RGS7BP: variants seen among roughly 807,000 people sequenced by gnomAD.
RGS7BP encodes regulator of G protein signaling 7-binding protein.
RGS7BP carries 9 observed loss-of-function variants against 31.3 expected under a neutral mutation model. The ratio of observed to expected loss-of-function variants is 0.29; its 90% CI spans 0.17 to 0.50. The LOEUF is 0.50. Ranked by LOEUF, RGS7BP falls within the 20% of genes least tolerant of loss-of-function variation. RGS7BP has a pLI of 0.98. For synonymous variants in RGS7BP, 115 were observed against 120.1 expected (o/e 0.96, Z 0.28); for missense variants, 274 against 322.0 (o/e 0.85, Z 1.14).
intron 2 of RGS7BP, among the ~76,000 whole-genome samples, chr5:64,563,304 T>C (rs1742096018): frequency 1.3e-5 from 2 of 152,120 alleles, no homozygotes; most frequent in Admixed American, 1.3e-4. Context: ...AATAGCAATG[T>C]TATGAATTGA....
At chr5:64,523,206 A>C (rs1416683775) in intron 2 of RGS7BP, among the ~76,000 whole-genome samples, 1 of 152,204 alleles carries the variant, frequency 6.6e-6, no homozygotes, top group Non-Finnish European at 1.5e-5. Flanking sequence ...AGGTGAAGCA[A>C]AAAAGTAAAG....
At chr5:64,531,926 T>G (rs1466809764) in intron 2 of RGS7BP, among the ~76,000 whole-genome samples, 1 of 152,210 alleles carries the variant, frequency 6.6e-6, no homozygotes, top group Non-Finnish European at 1.5e-5. Flanking sequence ...TCTTGGAAAT[T>G]CCCCTCCTGC....
intron 1 of RGS7BP, among the ~76,000 whole-genome samples, 172 bp from the exon 2 acceptor site, chr5:64,507,539 A>G (rs1748727986): frequency 6.6e-6 from 1 of 152,182 alleles, no homozygotes; most frequent in Non-Finnish European, 1.5e-5. Context: ...CCTTGGACAA[A>G]GAGACTTGCC....
At chr5:64,586,288 C>T (rs1742748916) in intron 3 of RGS7BP, among the ~76,000 whole-genome samples, 1 of 152,076 alleles carries the variant, frequency 6.6e-6, no homozygotes, top group African/African-American at 2.4e-5. Context: ...CCTCTCCAGT[C>T]TCATATCTCA....
rs1288108995 is a variant in RGS7BP at position 64,611,596 on chromosome 5, C to T, written c.*2344C>T. On this transcript the variant is annotated 3_prime_UTR_variant, in exon 6 of 6. Transcript: ENST00000334025. ...TGTCTAATTACCTAGCCAGAGTTTG[C>T]ATATTTAAGGTAATATATTCAGCTA... The T allele has an allele frequency of 3.3e-5, 5 of 152,254 alleles. No homozygotes were observed. The highest frequency in any genetic ancestry group is 4.4e-5 in the Non-Finnish European group (3 of 67,886). The allele number at this position is 152,254 out of a possible 1,614,324, so 9.4% of individuals were successfully genotyped here.
At chr5:64,517,453 A>G (rs1749006144) in intron 2 of RGS7BP, among the ~76,000 whole-genome samples, 1 of 152,152 alleles carries the variant, frequency 6.6e-6, no homozygotes, top group Non-Finnish European at 1.5e-5. Context: ...TTACCACTTA[A>G]CTTTTAAACA....
Position 64,594,665 on chromosome 5 carries a change from G to T in RGS7BP, c.464-45G>T, listed in dbSNP as rs765396938. 22 of 1,605,706 alleles carry T rather than the reference G, an allele frequency of 1.4e-5. 1 individual carries two copies. In the South Asian group the frequency reaches 2.2e-4, roughly 16 times the overall value. ...TCCTGCATATAGAACCTGCCTTTAT[G>T]ATTTCTTTTTCCTCTTCTCTTTACC... On this transcript the variant is annotated intron_variant, in intron 3 of 5. Coordinates refer to ENST00000334025, the MANE Select transcript of RGS7BP (RefSeq NM_001029875.3).
At chr5:64,586,913 C>A (rs547267951) in intron 3 of RGS7BP, among the ~76,000 whole-genome samples, 1 of 152,044 alleles carries the variant, frequency 6.6e-6, no homozygotes, top group Non-Finnish European at 1.5e-5. Flanking sequence ...GGAATAAATC[C>A]ATACTAGTTC....
At chr5:64,589,881 C>T (rs750401035) in intron 3 of RGS7BP, among the ~76,000 whole-genome samples, 3 of 148,828 alleles carry the variant, frequency 2.0e-5, no homozygotes, top group Non-Finnish European at 4.4e-5. Flanking sequence ...GAGCTATTAT[C>T]ATCACTGCAC....
At chr5:64,507,225 C>T (rs1421221550) in intron 1 of RGS7BP, among the ~76,000 whole-genome samples, 2 of 152,226 alleles carry the variant, frequency 1.3e-5, no homozygotes, top group East Asian at 3.9e-4. Flanking sequence ...CTGGTCTTCC[C>T]GTCAGGCCGT....
intron 2 of RGS7BP, among the ~76,000 whole-genome samples, chr5:64,548,758 C>T (rs1234042784): frequency 3.9e-5 from 6 of 152,132 alleles, no homozygotes; most frequent in African/African-American, 1.4e-4. Context: ...CTGCCCACCT[C>T]GGCCTCCCAA....
chr5:64,604,968 G>GAGTCC (rs1357920996), intron 5 of RGS7BP, among the ~76,000 whole-genome samples: 1 of 151,966 alleles, frequency 6.6e-6, no homozygotes, highest in Non-Finnish European at 1.5e-5. Context: ...CCAAGAGTTC[G>GAGTCC]AGTCCAGTCT....
At position 64,590,794 on chromosome 5, in the gene RGS7BP, A is replaced by G. The variant is rs1194627777; in HGVS notation, c.464-3916A>G. On this transcript the variant is annotated intron_variant, in intron 3 of 5. Transcript: ENST00000334025. ...GCCACAAGGATAAACAAATAAATAT[A>G]AAATAAAACAGTATATCCAGAAATA... 2.0e-5 allele frequency among the ~76,000 whole-genome samples: 3 copies of G among 152,102 alleles called. No individual in the cohort carries two copies. The East Asian group carries it at 5.8e-4, about 29-fold the overall frequency.
chr5:64,516,921 G>A (rs1396608), intron 2 of RGS7BP, among the ~76,000 whole-genome samples: 3,891 of 151,468 alleles, frequency 0.026, 119 homozygotes, highest in African/African-American at 0.078. Context: ...AGCTTCCCAA[G>A]TGTGCATCTG....
intron 2 of RGS7BP, among the ~76,000 whole-genome samples, chr5:64,548,243 C>T (rs1179653892): frequency 2.0e-5 from 3 of 151,778 alleles, no homozygotes; most frequent in Admixed American, 1.3e-4. Flanking sequence ...TCTGTTTAAA[C>T]GTTTCACCAA....
At chr5:64,507,653 A>G (rs1748732042) in intron 1 of RGS7BP, 58 bp from the exon 2 acceptor site, 52 of 1,503,278 alleles carry the variant, frequency 3.5e-5, no homozygotes, top group Non-Finnish European at 4.6e-5. Context: ...ACTCCGAAAC[A>G]GGAAACTTTC....
chr5:64,506,777 C>T lies in RGS7BP; in HGVS notation c.153C>T (p.Asp51=), dbSNP rs374661796. 5.7e-6 allele frequency: 9 copies of T among 1,584,596 alleles called. No homozygotes were observed. In the African/African-American group the frequency reaches 6.8e-5, roughly 12 times the overall value. ...CCCACAAAACCCAACGAGCCCTGGA[C>T]GACTGCAAGATGGTGGGTGAAAACT... ...ESAHKTQRAL[D]DCKMLVQEFN... The change falls in exon 1 of 6, where the codon GAC becomes GAT. Residue 51 remains aspartate (D), a synonymous_variant. Transcript: ENST00000334025. The surrounding 1 kb of genome is among the most constrained non-coding windows in gnomAD (Gnocchi z 4.6).
intron 3 of RGS7BP, among the ~76,000 whole-genome samples, chr5:64,581,901 C>A (rs1169829716): frequency 6.6e-6 from 1 of 151,966 alleles, no homozygotes; most frequent in African/African-American, 2.4e-5. Flanking sequence ...TTATGGCCAA[C>A]AACATGAAAG....
Position 64,507,716 on chromosome 5 carries a change from C to A in RGS7BP, c.171C>A (p.Val57=). 1.3e-6 allele frequency: 2 copies of A among 1,565,416 alleles called. No homozygotes were observed. Among genetic ancestry groups the A allele is most frequent in the African/African-American group, 1.4e-5 (1 of 72,278 alleles). The change falls in exon 2 of 6, where the codon GTC becomes GTA. Residue 57 remains valine (V), a synonymous_variant. Coordinates refer to ENST00000334025, the MANE Select transcript of RGS7BP (RefSeq NM_001029875.3). The part of the protein sequence containing the change: ...QRALDDCKML[V]QEFNTQVALY... The stretch of plus-strand genomic sequence containing the variant: ...AAAACTCACTTCTTTTCCAGCTTGT[C>A]CAAGAGTTCAACACACAAGTGGCCC...
Sources: gnomAD v4.1 joint callset for allele counts (sites outside exome capture counted in the v4.1 genomes callset) on GRCh38, gnomAD v4.1.1 for gene constraint, Gnocchi (gnomAD v3.1) non-coding constraint, MANE v1.5 for transcripts, NCBI Gene and HGNC (gene_info 2026-07-23, HGNC 2026-07-21) for gene names.